Variants in UTRN observed in about 807,000 individuals in gnomAD.
The protein encoded by UTRN is utrophin, also known as dystrophin-related protein 1.
In UTRN, 283 loss-of-function variants were observed where a neutral mutation model predicts 463.9. That is an observed-to-expected ratio of 0.61 (90% CI 0.55 to 0.67). The LOEUF (loss-of-function observed/expected upper bound fraction) is 0.67, where lower values mean the gene tolerates loss of function less well. Among genes scored for constraint, UTRN ranks in the 30% least tolerant of loss-of-function variants. UTRN has a pLI of 0.00. For missense variants in UTRN, 3,922 were observed against 4,084.3 expected (o/e 0.96, Z 1.08); for synonymous variants, 1,442 against 1,431.5 (o/e 1.01, Z -0.17).
chr6:144,496,784 G>A (rs1793688976), intron 33 of UTRN, among the ~76,000 whole-genome samples: 1 of 152,174 alleles, frequency 6.6e-6, no homozygotes, highest in South Asian at 2.1e-4. Flanking sequence ...GTAAAGGGGG[G>A]TTTCACCCAG....
chr6:144,523,062 T>G lies in UTRN; in HGVS notation c.5780T>G (p.Ile1927Ser). 6.2e-7 allele frequency: 1 copy of G among 1,613,188 alleles called. No homozygotes were observed. The highest frequency in any genetic ancestry group is 8.5e-7 in the Non-Finnish European group (1 of 1,179,704). ...LDKLGEQIAV[I>S]HEKQPDVILE... ...AAACTTGGAGAGCAGATTGCAGTCA[T>G]TCATGAAAAACAGCCAGATGTCATC... is the stretch of plus-strand genomic sequence containing the variant. Residue 1927 changes from isoleucine (I) to serine (S), a missense_variant, in exon 41 of 75, where the codon ATT (isoleucine) becomes AGT (serine). Physicochemically the swap from Ile to Ser is moderately radical, Grantham distance 142. This residue lies in a region of UTRN where 2,349 missense variants were observed against 2,303.8 expected (regional missense o/e 1.02). Transcript: ENST00000367545.
chr6:144,620,998 T>A (rs1775310402), intron 51 of UTRN, among the ~76,000 whole-genome samples: 1 of 152,118 alleles, frequency 6.6e-6, no homozygotes, highest in Admixed American at 6.6e-5. Flanking sequence ...AATGATTGAG[T>A]GTGTGATTTA....
Position 144,714,758 on chromosome 6 carries a change from T to G in UTRN, c.7809+14515T>G, listed in dbSNP as rs113469976. Reference sequence around the variant, plus strand: ...AAGGAAGCCATCCTGAGCCCCACTCTGAGTTACATGCCCCTTGTTGTAATT... The same window carrying G: ...AAGGAAGCCATCCTGAGCCCCACTCGGAGTTACATGCCCCTTGTTGTAATT... On this transcript the variant is annotated intron_variant, in intron 53 of 74. Transcript: ENST00000367545. 2.0e-3 allele frequency among the ~76,000 whole-genome samples: 308 copies of G among 152,360 alleles called. 1 individual carries two copies. Among genetic ancestry groups the G allele is most frequent in the African/African-American group, 7.0e-3 (291 of 41,586 alleles).
intron 2 of UTRN, among the ~76,000 whole-genome samples, chr6:144,369,556 C>G (rs1779802470): frequency 6.6e-6 from 1 of 152,200 alleles, no homozygotes; most frequent in Non-Finnish European, 1.5e-5. Flanking sequence ...GTTGAGGTTG[C>G]AGTGAGCTGA....
At chr6:144,304,982 A>C (rs1584213340) in intron 2 of UTRN, among the ~76,000 whole-genome samples, 1 of 147,788 alleles carries the variant, frequency 6.8e-6, no homozygotes, top group South Asian at 2.1e-4. Flanking sequence ...CCCAGGCTGG[A>C]GTGCAATGGC....
chr6:144,654,947 T>G (rs1288813304), intron 51 of UTRN, among the ~76,000 whole-genome samples: 1 of 147,988 alleles, frequency 6.8e-6, no homozygotes, highest in Non-Finnish European at 1.5e-5. Context: ...GAAAAAGCTC[T>G]TTGAGCCTCT....
chr6:144,699,664 T>C (rs1784389566), intron 52 of UTRN, among the ~76,000 whole-genome samples: 1 of 150,482 alleles, frequency 6.6e-6, no homozygotes, highest in Non-Finnish European at 1.5e-5. Flanking sequence ...ATACTATACA[T>C]AAACTATCAA....
chr6:144,681,161 G>A (rs75818518), intron 52 of UTRN, among the ~76,000 whole-genome samples: 2,151 of 152,250 alleles, frequency 0.014, 47 homozygotes, highest in African/African-American at 0.049. Context: ...AGACACTGGT[G>A]AGACATCCAG....
intron 45 of UTRN, among the ~76,000 whole-genome samples, chr6:144,542,084 C>A (rs977545240): frequency 7.9e-5 from 12 of 152,064 alleles, no homozygotes; most frequent in African/African-American, 2.9e-4. Context: ...GGGTAGTGGG[C>A]AGCTATTGAT....
At chr6:144,795,389 T>C (rs1777122367) in intron 63 of UTRN, among the ~76,000 whole-genome samples, 2 of 152,216 alleles carry the variant, frequency 1.3e-5, no homozygotes, top group Admixed American at 1.3e-4. Context: ...ATATACCTAG[T>C]AATGGGATTT....
chr6:144,664,903 A>G lies in UTRN; in HGVS notation c.7480-13503A>G, dbSNP rs147733058. Among the ~76,000 whole-genome samples, 3 of 151,936 alleles carry G rather than the reference A, an allele frequency of 2.0e-5. No homozygotes were observed. The East Asian group carries it at 5.8e-4, about 29-fold the overall frequency. On this transcript the variant is annotated intron_variant, in intron 51 of 74. Coordinates refer to ENST00000367545, the MANE Select transcript of UTRN (RefSeq NM_007124.3). ...ATATATATATATTTTTAAAATCATG[A>G]TTCCTCATTTTCAAAACCTAAAGCT...
chr6:144,847,318 G>A (rs531871521), intron 74 of UTRN, among the ~76,000 whole-genome samples: 63 of 152,292 alleles, frequency 4.1e-4, no homozygotes, highest in Non-Finnish European at 8.2e-4. Context: ...TATGAGACAG[G>A]TTTACTTTGC....
intron 2 of UTRN, chr6:144,330,785 G>A: frequency 2.0e-6 from 2 of 980,764 alleles, no homozygotes; most frequent in Non-Finnish European, 2.4e-6. Flanking sequence ...TCTGGTCCGG[G>A]CAGTTGGGGA....
intron 65 of UTRN, among the ~76,000 whole-genome samples, chr6:144,810,175 C>T (rs1328958451): frequency 1.3e-5 from 2 of 152,096 alleles, no homozygotes; most frequent in Non-Finnish European, 2.9e-5. Context: ...AAGGAGGGCA[C>T]CTCTCAAATA....
In UTRN at chr6:144,655,081, G is replaced by T. The variant is rs1779191576; in HGVS notation, c.7480-23325G>T. Among the ~76,000 whole-genome samples, 3 of 152,126 alleles carry T rather than the reference G, an allele frequency of 2.0e-5. No individual in the cohort carries two copies. The South Asian group carries it at 6.2e-4, about 32-fold the overall frequency. Reference sequence around the variant, plus strand: ...ACCTGTAAAATTATCAAAGTAGATGGCATTATACTGAAGAGACAAACATTA... The same window carrying T: ...ACCTGTAAAATTATCAAAGTAGATGTCATTATACTGAAGAGACAAACATTA... On this transcript the variant is annotated intron_variant, in intron 51 of 74. Transcript: ENST00000367545.
chr6:144,428,411 A>C (rs1164539454), intron 7 of UTRN, among the ~76,000 whole-genome samples: 1 of 121,346 alleles, frequency 8.2e-6, no homozygotes, highest in Non-Finnish European at 1.7e-5. Context: ...CATTTTTCTT[A>C]TTTTTTCTGT....
chr6:144,652,724 G>T (rs746890589), intron 51 of UTRN, among the ~76,000 whole-genome samples: 4 of 152,170 alleles, frequency 2.6e-5, no homozygotes, highest in Non-Finnish European at 4.4e-5. Context: ...CTTTAAGTAA[G>T]CAGGAGTTAC....
chr6:144,338,738 G>A (rs1472572173), intron 2 of UTRN, among the ~76,000 whole-genome samples: 2 of 152,140 alleles, frequency 1.3e-5, no homozygotes, highest in Non-Finnish European at 2.9e-5. Flanking sequence ...GGTGAGGGTG[G>A]GCGGGAGATG....
chr6:144,490,866 A>G (rs1044948761), intron 31 of UTRN, 63 bp from the exon 32 acceptor site: 3 of 1,494,226 alleles, frequency 2.0e-6, no homozygotes, highest in South Asian at 2.8e-5. Flanking sequence ...AGTATCTGTT[A>G]TGCTCATGAT....
Sources: gnomAD v4.1 joint callset for allele counts (sites outside exome capture counted in the v4.1 genomes callset) on GRCh38, gnomAD v4.1.1 for gene constraint, gnomAD v4.1.1 regional missense constraint, MANE v1.5 for transcripts, NCBI Gene and HGNC (gene_info 2026-07-23, HGNC 2026-07-21) for gene names.